MGMT: variants seen among roughly 807,000 people sequenced by gnomAD.
MGMT encodes methylated-DNA--protein-cysteine methyltransferase.
Under a neutral mutation model 15.9 loss-of-function variants are expected in MGMT, and 14 were observed. The observed-to-expected ratio is 0.88, with a 90% CI of 0.58 to 1.37. The LOEUF (loss-of-function observed/expected upper bound fraction) is 1.37, where lower values mean the gene tolerates loss of function less well. Among genes scored for constraint, MGMT ranks in the 40% most tolerant of loss-of-function variants. MGMT has a pLI of 0.00. For synonymous variants in MGMT, 130 were observed against 118.2 expected (o/e 1.10, Z -0.65); for missense variants, 282 against 268.1 (o/e 1.05, Z -0.36).
At chr10:129,753,172 G>A (rs971189446) in intron 3 of MGMT, among the ~76,000 whole-genome samples, 1 of 152,164 alleles carries the variant, frequency 6.6e-6, no homozygotes, top group Admixed American at 6.5e-5. Context: ...TCTGGACTCA[G>A]TAGTTTCTGA....
chr10:129,702,786 G>A (rs1278649839), intron 2 of MGMT, among the ~76,000 whole-genome samples: 1 of 152,246 alleles, frequency 6.6e-6, no homozygotes, highest in Non-Finnish European at 1.5e-5. Flanking sequence ...AGTGGTGGGT[G>A]AGTTGCAGGG....
rs540877546 is a variant in MGMT, at chr10:129,758,725, G to A, written c.275-477G>A. Among the ~76,000 whole-genome samples the A allele has an allele frequency of 1.3e-3, 197 of 152,302 alleles. 1 individual carries two copies. The highest frequency in any genetic ancestry group is 4.6e-3 in the African/African-American group (193 of 41,560). ...CAGTAGCTGGGGGAATCCTGCACGC[G>A]GCTGGAGGTGGACAGCCGGCATAAT... On this transcript the variant is annotated intron_variant, in intron 3 of 4. Transcript: ENST00000651593.
At chr10:129,732,257 T>C (rs987012641) in intron 3 of MGMT, among the ~76,000 whole-genome samples, 1 of 152,136 alleles carries the variant, frequency 6.6e-6, no homozygotes, top group African/African-American at 2.4e-5. Context: ...TGCACCCATC[T>C]ATTCGTCATT....
intron 2 of MGMT, among the ~76,000 whole-genome samples, chr10:129,632,654 G>A (rs886383739): frequency 3.9e-5 from 6 of 152,138 alleles, no homozygotes; most frequent in Admixed American, 1.3e-4. Flanking sequence ...GGGGGATGTC[G>A]GCCCGATTCT....
rs1847902948 is a variant in MGMT at position 129,686,230 on chromosome 10, T to A, written c.126-21665T>A. ...TTAAACAAAGTTAAAAAAAAAATGTTATGCTATTGCTAATAAATTGAGTCA... is the reference window on the plus strand; with the variant it reads ...TTAAACAAAGTTAAAAAAAAAATGTAATGCTATTGCTAATAAATTGAGTCA... On this transcript the variant is annotated intron_variant, in intron 2 of 4. Transcript: ENST00000651593. Among the ~76,000 whole-genome samples, 6 of 152,012 alleles carry A rather than the reference T, an allele frequency of 3.9e-5. No homozygotes were observed. In the South Asian group the frequency reaches 1.3e-3, roughly 32 times the overall value.
chr10:129,650,365 G>A (rs538852263), intron 2 of MGMT, among the ~76,000 whole-genome samples: 2 of 152,186 alleles, frequency 1.3e-5, no homozygotes, highest in African/African-American at 4.8e-5. Context: ...GCTAGAGGAC[G>A]CGAGCACATG....
rs1340106561 is a variant in MGMT at position 129,583,297 on chromosome 10, A to G, written c.125+46920A>G. On this transcript the variant is annotated intron_variant, in intron 2 of 4. Coordinates refer to ENST00000651593, the MANE Select transcript of MGMT (RefSeq NM_002412.5). ...CAATTATTCTAAAATCAACATAAAAATAAAGACCCATTATCATCAGAAGAC... is the reference window on the plus strand; with the variant it reads ...CAATTATTCTAAAATCAACATAAAAGTAAAGACCCATTATCATCAGAAGAC... Among the ~76,000 whole-genome samples the G allele has an allele frequency of 4.6e-5, 7 of 152,262 alleles. No homozygotes were observed. In the South Asian group the frequency reaches 8.3e-4, roughly 18 times the overall value.
intron 1 of MGMT, among the ~76,000 whole-genome samples, chr10:129,482,181 T>C (rs901320621): frequency 2.0e-5 from 3 of 152,214 alleles, no homozygotes; most frequent in African/African-American, 7.2e-5. Flanking sequence ...TAGTACATCA[T>C]TTAATTTCCA....
At chr10:129,489,810 CTTTAA>C (rs902838224) in intron 1 of MGMT, among the ~76,000 whole-genome samples, 4 of 152,064 alleles carry the variant, frequency 2.6e-5, no homozygotes, top group Non-Finnish European at 4.4e-5. Flanking sequence ...TTCATGTCAT[CTTTAA>C]TTTACTTTCT....
intron 3 of MGMT, among the ~76,000 whole-genome samples, chr10:129,721,279 T>C (rs1456923084): frequency 6.6e-6 from 1 of 152,288 alleles, no homozygotes; most frequent in Admixed American, 6.5e-5. Context: ...TGTGCCCTAG[T>C]GCTCCAGCTG....
intron 2 of MGMT, among the ~76,000 whole-genome samples, chr10:129,657,412 G>A (rs1381842931): frequency 1.3e-5 from 2 of 151,500 alleles, no homozygotes; most frequent in Non-Finnish European, 2.9e-5. Flanking sequence ...TGGGGGTGGG[G>A]GGGGGAGCAA....
Position 129,638,429 on chromosome 10 carries a change from C to CAAAAAAAAAAAAAAAAAAAA in MGMT, c.126-69450_126-69449insAAAAAAAAAAAAAAAAAAAA. On this transcript the variant is annotated intron_variant, in intron 2 of 4. Transcript: ENST00000651593. The stretch of plus-strand genomic sequence containing the variant: ...GAAGTCCAAGAGAGGACCAAAGAGG[C>CAAAAAAAAAAAAAAAAAAAA]AAAAAAAAAAAAAAAAGAAAAAAAA... 2.2e-3 allele frequency among the ~76,000 whole-genome samples: 133 copies of CAAAAAAAAAAAAAAAAAAAA among 61,706 alleles called. 11 individuals carry two copies. Among genetic ancestry groups the CAAAAAAAAAAAAAAAAAAAA allele is most frequent in the African/African-American group, 2.7e-3 (51 of 19,064 alleles). 40.5% of individuals were successfully genotyped at this position (61,706 alleles called of 152,430 possible).
chr10:129,478,233 AT>A (rs11331521), intron 1 of MGMT, among the ~76,000 whole-genome samples: 111,295 of 152,012 alleles, frequency 0.73, 41,056 homozygotes, highest in East Asian at 0.96. Flanking sequence ...TGGTTGGTTG[AT>A]TTTTTCCCCC....
At chr10:129,634,137 GT>G (rs936540101) in intron 2 of MGMT, among the ~76,000 whole-genome samples, 1 of 152,098 alleles carries the variant, frequency 6.6e-6, no homozygotes, top group Non-Finnish European at 1.5e-5. Flanking sequence ...GATTGACAGG[GT>G]TTTTTTCCTC....
intron 1 of MGMT, among the ~76,000 whole-genome samples, chr10:129,482,735 T>G (rs548763633): frequency 6.6e-6 from 1 of 152,346 alleles, no homozygotes; most frequent in Non-Finnish European, 1.5e-5. Flanking sequence ...TTAGTGTTTC[T>G]GTGGTAACTG....
chr10:129,614,816 C>T (rs555128084), intron 2 of MGMT, among the ~76,000 whole-genome samples: 15 of 151,570 alleles, frequency 9.9e-5, no homozygotes, highest in African/African-American at 3.6e-4. Context: ...TTTAAATTGA[C>T]ACCAGACTTC....
At chr10:129,671,328 A>C (rs1366710308) in intron 2 of MGMT, among the ~76,000 whole-genome samples, 1 of 152,228 alleles carries the variant, frequency 6.6e-6, no homozygotes, top group East Asian at 1.9e-4. Context: ...CCTGGTAGGA[A>C]TATTTACACA....
At chr10:129,589,249 G>T (rs1039509631) in intron 2 of MGMT, among the ~76,000 whole-genome samples, 1 of 152,210 alleles carries the variant, frequency 6.6e-6, no homozygotes, top group African/African-American at 2.4e-5. Flanking sequence ...TCTCATGAGT[G>T]GCTCTGCAGT....
Position 129,766,826 on chromosome 10 carries a change from C to T in MGMT, c.453C>T (p.Ser151=), listed in dbSNP as rs371993381. 6.2e-7 allele frequency: 1 copy of T among 1,613,488 alleles called. No homozygotes were observed. Among genetic ancestry groups the T allele is most frequent in the Non-Finnish European group, 8.5e-7 (1 of 1,180,028 alleles). ...TCCCGTGCCACAGAGTGGTCTGCAG[C>T]AGCGGAGCCGTGGGCAACTACTCCG... ...ILIPCHRVVC[S]SGAVGNYSGG... is the part of the protein sequence containing the mutation. The change falls in exon 5 of 5, where the codon AGC becomes AGT. Residue 151 remains serine (S), a synonymous_variant. Transcript: ENST00000651593.
Sources: allele counts gnomAD v4.1 joint callset (sites outside exome capture counted in the v4.1 genomes callset), GRCh38; gene constraint gnomAD v4.1.1; transcripts MANE v1.5; gene names NCBI Gene and HGNC (gene_info 2026-07-23, HGNC 2026-07-21).